Variants in NPSR1 observed in about 807,000 individuals in gnomAD.
NPSR1 encodes the protein neuropeptide S receptor 1.
Under a neutral mutation model 46.9 loss-of-function variants are expected in NPSR1, and 48 were observed. The ratio of observed to expected loss-of-function variants is 1.02; its 90% CI spans 0.81 to 1.30. The LOEUF (loss-of-function observed/expected upper bound fraction) is 1.30. NPSR1 is among the 50% of genes most tolerant of loss of function. The pLI is 0.00. For missense variants in NPSR1, 450 were observed against 449.5 expected, an observed-to-expected ratio of 1.00 and a Z score of -0.01; for synonymous variants, 176 against 168.1, an observed-to-expected ratio of 1.05 and a Z score of -0.36.
At chr7:34,739,791 C>T (rs1784852090) in intron 2 of NPSR1, among the ~76,000 whole-genome samples, 4 of 152,178 alleles carry the variant, frequency 2.6e-5, no homozygotes, top group South Asian at 4.1e-4. Context: ...GATACTAGCA[C>T]CTGCTCTGGT....
intron 8 of NPSR1, among the ~76,000 whole-genome samples, chr7:34,873,650 T>C (rs1253904490): frequency 6.6e-6 from 1 of 151,586 alleles, no homozygotes; most frequent in Non-Finnish European, 1.5e-5. Context: ...GAACTCACTC[T>C]TCAACAAGCA....
intron 2 of NPSR1, among the ~76,000 whole-genome samples, chr7:34,776,787 T>C (rs1257916511): frequency 6.6e-6 from 1 of 152,196 alleles, no homozygotes; most frequent in East Asian, 1.9e-4. Flanking sequence ...TGATGAATGT[T>C]GCCAGGACTA....
intron 8 of NPSR1, among the ~76,000 whole-genome samples, chr7:34,866,139 C>T (rs1791309687): frequency 6.6e-6 from 1 of 151,880 alleles, no homozygotes; most frequent in Non-Finnish European, 1.5e-5. Context: ...CTTGGACCTA[C>T]GTTTTGTCCC....
intron 5 of NPSR1, among the ~76,000 whole-genome samples, chr7:34,830,874 C>T (rs925863634): frequency 6.6e-6 from 1 of 152,152 alleles, no homozygotes; most frequent in Non-Finnish European, 1.5e-5. Context: ...CCTGCACTCC[C>T]AGCTCCAGCC....
intron 3 of NPSR1, among the ~76,000 whole-genome samples, chr7:34,792,721 A>ATATACG (rs1787984761): frequency 8.0e-6 from 1 of 124,716 alleles, no homozygotes; most frequent in Admixed American, 8.9e-5. Context: ...ATATTTATAT[A>ATATACG]TATATATATA....
intron 3 of NPSR1, chr7:34,779,806 G>A (rs139842838): frequency 5.4e-4 from 134 of 248,748 alleles, no homozygotes; most frequent in Middle Eastern, 1.4e-3. Context: ...GACAAAACAT[G>A]GTGGCTTAAA....
intron 3 of NPSR1, among the ~76,000 whole-genome samples, chr7:34,787,742 G>A (rs1446777510): frequency 2.0e-5 from 3 of 152,112 alleles, no homozygotes; most frequent in African/African-American, 7.2e-5. Context: ...GAGACAGATG[G>A]AGGAACAACC....
intron 4 of NPSR1, among the ~76,000 whole-genome samples, chr7:34,815,687 A>C (rs2128752137): frequency 6.6e-6 from 1 of 152,350 alleles, no homozygotes; most frequent in South Asian, 2.1e-4. Flanking sequence ...TTACCCACAA[A>C]GGGAAGCCCA....
intron 3 of NPSR1, among the ~76,000 whole-genome samples, chr7:34,789,518 C>T (rs542282784): frequency 9.9e-5 from 15 of 151,956 alleles, no homozygotes; most frequent in East Asian, 3.9e-4. Context: ...GTCAGCCAGG[C>T]GTAGTGGCTC....
In NPSR1 at chr7:34,684,626, A is replaced by G. The variant is rs757208876; in HGVS notation, c.222A>G (p.Thr74=). 4 of 1,613,662 alleles carry G rather than the reference A, an allele frequency of 2.5e-6. No individual in the cohort carries two copies. The highest frequency in any genetic ancestry group is 1.7e-5 in the Admixed American group (1 of 59,964). Residue 74 remains threonine, a synonymous_variant, in exon 2 of 9, where the codon ACA becomes ACG. Transcript: ENST00000360581. ...GAAACTCCGTTGTGCTTTTTTCCAC[A>G]TGGAGGAGAAAGAAGAAGTCAAGAA... is the stretch of plus-strand genomic sequence containing the variant. ...IVGNSVVLFS[T]WRRKKKSRMT... is the part of the protein sequence containing the mutation.
chr7:34,810,237 T>A (rs541259844), intron 3 of NPSR1, among the ~76,000 whole-genome samples: 20 of 152,348 alleles, frequency 1.3e-4, no homozygotes, highest in Non-Finnish European at 2.2e-4. Context: ...GATTTGAACC[T>A]AATGTTACAA....
intron 2 of NPSR1, among the ~76,000 whole-genome samples, chr7:34,744,836 T>C (rs2128720766): frequency 6.6e-6 from 1 of 152,350 alleles, no homozygotes; most frequent in South Asian, 2.1e-4. Context: ...TTTGTATCCA[T>C]GGGTTCTGCA....
intron 4 of NPSR1, among the ~76,000 whole-genome samples, chr7:34,821,605 G>C (rs993803058): frequency 2.6e-5 from 4 of 152,180 alleles, no homozygotes; most frequent in Admixed American, 2.6e-4. Context: ...TAGAGGTACA[G>C]ACTTGAGACC....
At chr7:34,845,676 G>T in intron 7 of NPSR1, 1 of 434,020 alleles carries the variant, frequency 2.3e-6, no homozygotes. Context: ...GATATAGATT[G>T]ATTTTCTTAT....
intron 3 of NPSR1, among the ~76,000 whole-genome samples, chr7:34,781,155 G>A (rs1787211818): frequency 6.6e-6 from 1 of 152,014 alleles, no homozygotes; most frequent in Non-Finnish European, 1.5e-5. Flanking sequence ...AGGAAGTGAG[G>A]GCAAAGACAG....
intron 2 of NPSR1, among the ~76,000 whole-genome samples, chr7:34,687,908 C>A (rs1213737966): frequency 1.3e-5 from 2 of 152,280 alleles, no homozygotes; most frequent in East Asian, 3.9e-4. Flanking sequence ...TTATTTGACA[C>A]CACTATCCCC....
chr7:34,831,384 A>G (rs2128758285), intron 5 of NPSR1, among the ~76,000 whole-genome samples: 1 of 151,906 alleles, frequency 6.6e-6, no homozygotes, highest in Middle Eastern at 3.4e-3. Flanking sequence ...ATTTCTGGCT[A>G]TCTAATGCCT....
At chr7:34,724,786 G>A (rs17198163) in intron 2 of NPSR1, among the ~76,000 whole-genome samples, 19,087 of 152,168 alleles carry the variant, frequency 0.13, 1,472 homozygotes, top group Non-Finnish European at 0.17. Context: ...AAAGTGCTTA[G>A]CATAGTATCT....
chr7:34,731,063 A>T (rs1443157501), intron 2 of NPSR1, among the ~76,000 whole-genome samples: 2 of 152,234 alleles, frequency 1.3e-5, no homozygotes, highest in Non-Finnish European at 2.9e-5. Flanking sequence ...AGAAATCCTT[A>T]CAAAAGACTA....
Sources: allele counts gnomAD v4.1 joint callset (sites outside exome capture counted in the v4.1 genomes callset), GRCh38; gene constraint gnomAD v4.1.1; transcripts MANE v1.5; gene names NCBI Gene and HGNC (gene_info 2026-07-23, HGNC 2026-07-21).